The following UAP1 variants were observed in gnomAD, a reference collection of about 807,000 sequenced individuals.
UAP1 encodes the protein UDP-N-acetylhexosamine pyrophosphorylase.
In UAP1, 25 loss-of-function variants were observed where a neutral mutation model predicts 58.5. The ratio of observed to expected loss-of-function variants is 0.43; its 90% CI spans 0.31 to 0.60. UAP1 has a LOEUF of 0.60. Ranked by LOEUF, UAP1 falls within the 20% of genes least tolerant of loss-of-function variation. UAP1 has a pLI of 0.11. For missense variants in UAP1, 575 were observed against 630.0 expected, an observed-to-expected ratio of 0.91 and a Z score of 0.93; for synonymous variants, 208 against 213.0, an observed-to-expected ratio of 0.98 and a Z score of 0.21.
intron 1 of UAP1, among the ~76,000 whole-genome samples, chr1:162,563,856 T>C (rs1031548778): frequency 6.6e-6 from 1 of 152,218 alleles, no homozygotes; most frequent in Non-Finnish European, 1.5e-5. Flanking sequence ...TTGGTTGTCT[T>C]ATATTCATGA....
intron 7 of UAP1, among the ~76,000 whole-genome samples, chr1:162,589,125 A>ATATT (rs1655101918): frequency 8.8e-6 from 1 of 114,254 alleles, no homozygotes; most frequent in Admixed American, 1.2e-4. Context: ...TATATTTTAT[A>ATATT]TATATAATTT....
intron 3 of UAP1, among the ~76,000 whole-genome samples, chr1:162,577,435 C>CTTTTTTTTTTTTTT (rs67627704): frequency 4.2e-5 from 4 of 95,240 alleles, no homozygotes; most frequent in African/African-American, 1.9e-4. Context: ...AGTTCCTTCC[C>CTTTTTTTTTTTTTT]TTTTTTTTTT....
intron 2 of UAP1, among the ~76,000 whole-genome samples, chr1:162,571,610 A>G (rs1387313774): frequency 6.6e-6 from 1 of 152,216 alleles, no homozygotes. Flanking sequence ...CCTAATTGTC[A>G]CATGGGTTTA....
intron 1 of UAP1, among the ~76,000 whole-genome samples, chr1:162,565,008 A>G (rs1653401250): frequency 6.6e-6 from 1 of 152,122 alleles, no homozygotes; most frequent in Non-Finnish European, 1.5e-5. Context: ...AGCTGGGACT[A>G]CAGGCATATG....
At chr1:162,566,097 T>C (rs1230590231) in exon 2 of UAP1, 2 of 1,612,426 alleles carry the variant, frequency 1.2e-6, no homozygotes, top group Non-Finnish European at 1.7e-6. Flanking sequence ...AAACTCACGT[T>C]GTCCAAAGCT....
At chr1:162,580,785 G>T (rs2101786852) in intron 4 of UAP1, among the ~76,000 whole-genome samples, 2 of 152,248 alleles carry the variant, frequency 1.3e-5, no homozygotes, top group Middle Eastern at 6.8e-3. Context: ...GAAAGAAGAG[G>T]CTTTATTTAT....
intron 5 of UAP1, among the ~76,000 whole-genome samples, chr1:162,581,903 G>T (rs987119291): frequency 6.6e-6 from 1 of 152,174 alleles, no homozygotes; most frequent in African/African-American, 2.4e-5. Flanking sequence ...AAATATGCAA[G>T]TTGGGCATAA....
chr1:162,600,698 A>AT (rs912027701), downstream of UAP1, among the ~76,000 whole-genome samples: 195 of 139,322 alleles, frequency 1.4e-3, no homozygotes, highest in African/African-American at 4.4e-3. Flanking sequence ...AATCTTACCT[A>AT]TTTTTTTTTT....
intron 2 of UAP1, among the ~76,000 whole-genome samples, chr1:162,571,276 C>T (rs1653848290): frequency 6.6e-6 from 1 of 151,832 alleles, no homozygotes; most frequent in South Asian, 2.1e-4. Flanking sequence ...TTATAGGCGC[C>T]TGCCACCACA....
At chr1:162,564,574 A>G (rs79413137) in intron 1 of UAP1, among the ~76,000 whole-genome samples, 1 of 152,108 alleles carries the variant, frequency 6.6e-6, no homozygotes, top group Admixed American at 6.5e-5. Context: ...TTGGTATTTC[A>G]TACCTGCAGT....
chr1:162,590,383 TAGTC>T lies in UAP1; in HGVS notation c.1233_1236del (p.Ser411ArgfsTer14), dbSNP rs1404086888. 1.9e-6 allele frequency: 3 copies of T among 1,613,744 alleles called. No individual in the cohort carries two copies. The highest frequency in any genetic ancestry group is 1.7e-6 in the Non-Finnish European group (2 of 1,179,804). On this transcript the variant is annotated frameshift_variant, in exon 8 of 11. Coordinates refer to ENST00000271469, the Ensembl canonical transcript of UAP1. LOFTEE classifies it high-confidence loss of function. The stretch of plus-strand genomic sequence containing the variant: ...AGTTTTCCCCACTAAAGAATGCTGA[TAGTC>T]AGAATGGGAAAGACAACCCTACTAC...
At chr1:162,566,701 A>G (rs1043394578) in intron 2 of UAP1, among the ~76,000 whole-genome samples, 3 of 151,590 alleles carry the variant, frequency 2.0e-5, no homozygotes, top group Non-Finnish European at 2.9e-5. Flanking sequence ...ATCTCTGCTT[A>G]CTGCAACCTC....
intron 8 of UAP1, among the ~76,000 whole-genome samples, chr1:162,590,810 T>C (rs918983433): frequency 2.0e-5 from 3 of 152,112 alleles, no homozygotes; most frequent in Non-Finnish European, 4.4e-5. Context: ...AGATTTTTTT[T>C]TTTTTGGTGT....
intron 5 of UAP1, among the ~76,000 whole-genome samples, 198 bp from the exon 6 acceptor site, chr1:162,587,277 A>G (rs4656374): frequency 2.1e-3 from 317 of 152,338 alleles, no homozygotes; most frequent in Middle Eastern, 3.4e-3. Flanking sequence ...GGAAGGAAAT[A>G]ATATACCTCA....
At chr1:162,596,903 T>G (rs961449695) in intron 9 of UAP1, among the ~76,000 whole-genome samples, 3 of 152,216 alleles carry the variant, frequency 2.0e-5, no homozygotes, top group Non-Finnish European at 4.4e-5. Context: ...CATTGACTAT[T>G]TATTGACTTT....
At chr1:162,572,096 GGA>G (rs1224097713) in intron 2 of UAP1, among the ~76,000 whole-genome samples, 8 of 152,182 alleles carry the variant, frequency 5.3e-5, no homozygotes, top group Non-Finnish European at 1.0e-4. Flanking sequence ...AGATGTAAAT[GGA>G]TATCTACCTG....
intron 2 of UAP1, among the ~76,000 whole-genome samples, chr1:162,568,488 G>A (rs1337216999): frequency 1.3e-5 from 2 of 152,206 alleles, no homozygotes; most frequent in Non-Finnish European, 1.5e-5. Flanking sequence ...GAGTTTAGAA[G>A]TTTAAAAACA....
rs933036516 is a variant in UAP1, at chr1:162,599,204, A to G, written c.1477-67A>G. The G allele has an allele frequency of 4.1e-6, 4 of 965,244 alleles. No homozygotes were observed. The African/African-American group carries it at 4.9e-5, about 12-fold the overall frequency. The allele number at this position is 965,244 out of a possible 1,614,324, so 59.8% of individuals were successfully genotyped here. On this transcript the variant is annotated intron_variant, in intron 10 of 10. Coordinates refer to ENST00000271469, the Ensembl canonical transcript of UAP1. ...CATTTGTGCTTTAAATCATCATTAT[A>G]GCAAGTCCAGCACTGCATGACAAGT...
chr1:162,572,498 G>C (rs114218555), intron 2 of UAP1, among the ~76,000 whole-genome samples: 1,934 of 152,298 alleles, frequency 0.013, 44 homozygotes, highest in African/African-American at 0.044. Flanking sequence ...TTAGCTGAGG[G>C]AAATAACTTT....
Sources: allele counts gnomAD v4.1 joint callset (sites outside exome capture counted in the v4.1 genomes callset), GRCh38; gene constraint gnomAD v4.1.1; transcripts MANE v1.5; gene names NCBI Gene and HGNC (gene_info 2026-07-23, HGNC 2026-07-21).